SLC38A11: variants seen among roughly 807,000 people sequenced by gnomAD.
The protein encoded by SLC38A11 is putative sodium-coupled neutral amino acid transporter 11.
In SLC38A11, 51 loss-of-function variants were observed where a neutral mutation model predicts 49.4. The ratio of observed to expected loss-of-function variants is 1.03; its 90% CI spans 0.83 to 1.30. The LOEUF is 1.30. Ranked by LOEUF, SLC38A11 falls within the 50% of genes most tolerant of loss-of-function variation. The pLI is 0.00. For synonymous variants in SLC38A11, 203 were observed against 192.9 expected, an observed-to-expected ratio of 1.05 and a Z score of -0.43; for missense variants, 574 against 556.2, an observed-to-expected ratio of 1.03 and a Z score of -0.32.
chr2:164,945,341 T>C (rs1688031980), intron 4 of SLC38A11, among the ~76,000 whole-genome samples: 1 of 151,960 alleles, frequency 6.6e-6, no homozygotes, highest in African/African-American at 2.4e-5. Context: ...ATTCAATTTT[T>C]TACCAAGTAC....
At chr2:164,920,220 G>A (rs1437423926) in intron 7 of SLC38A11, among the ~76,000 whole-genome samples, 1 of 149,674 alleles carries the variant, frequency 6.7e-6, no homozygotes, top group Non-Finnish European at 1.5e-5. Context: ...GTTGCAGTGA[G>A]CAGAGATTGT....
At chr2:164,926,594 CA>C (rs1686603990) in intron 7 of SLC38A11, among the ~76,000 whole-genome samples, 1 of 151,788 alleles carries the variant, frequency 6.6e-6, no homozygotes, top group South Asian at 2.1e-4. Flanking sequence ...TTCACAATAG[CA>C]AAGACTTGGA....
At chr2:164,930,273 C>A (rs920244617) in intron 7 of SLC38A11, among the ~76,000 whole-genome samples, 1 of 151,910 alleles carries the variant, frequency 6.6e-6, no homozygotes, top group African/African-American at 2.4e-5. Flanking sequence ...GCCTACCAAC[C>A]AAAATAAGCC....
At chr2:164,910,254 AC>A (rs930628949) in intron 10 of SLC38A11, among the ~76,000 whole-genome samples, 5 of 152,228 alleles carry the variant, frequency 3.3e-5, no homozygotes, top group Non-Finnish European at 5.9e-5. Context: ...AGTTTCAAGT[AC>A]TAAACACAGA....
chr2:164,934,501 G>A (rs1003145178), intron 7 of SLC38A11, among the ~76,000 whole-genome samples: 26 of 152,128 alleles, frequency 1.7e-4, no homozygotes, highest in African/African-American at 5.5e-4. Flanking sequence ...TACAGGTGGG[G>A]CTCTGGCATC....
chr2:164,949,499 C>A (rs1056767018), intron 3 of SLC38A11, among the ~76,000 whole-genome samples: 4 of 152,214 alleles, frequency 2.6e-5, no homozygotes, highest in African/African-American at 4.8e-5. Context: ...CTCAAGTGAT[C>A]CACGTGCCTC....
At chr2:164,908,371 T>A (rs1685163526) in intron 11 of SLC38A11, among the ~76,000 whole-genome samples, 1 of 152,078 alleles carries the variant, frequency 6.6e-6, no homozygotes, top group South Asian at 2.1e-4. Context: ...GTGGGATGTA[T>A]ATCCCTGGCC....
intron 9 of SLC38A11, among the ~76,000 whole-genome samples, chr2:164,913,471 A>G (rs1475341116): frequency 2.0e-5 from 3 of 152,048 alleles, no homozygotes; most frequent in African/African-American, 7.2e-5. Flanking sequence ...CACAAATTAG[A>G]CTAGATTTAC....
At chr2:164,924,998 A>G (rs11674520) in intron 7 of SLC38A11, among the ~76,000 whole-genome samples, 95,519 of 152,068 alleles carry the variant, frequency 0.63, 30,262 homozygotes, top group East Asian at 0.7. Flanking sequence ...TGCCCGCCTC[A>G]GCCTCCCAAA....
chr2:164,895,492 A>G lies in SLC38A11; in HGVS notation c.*2945T>C, dbSNP rs191655221. Among the ~76,000 whole-genome samples, 1 of 152,310 alleles carries G rather than the reference A, an allele frequency of 6.6e-6. No homozygotes were observed. The highest frequency in any genetic ancestry group is 2.4e-5 in the African/African-American group (1 of 41,578). ...TTTCCTAAGCAAGGCTATAGCAGATAAACCAGGAGGAGACCTGTTCTCTTC... is the reference window on the plus strand; with the variant it reads ...TTTCCTAAGCAAGGCTATAGCAGATGAACCAGGAGGAGACCTGTTCTCTTC... On this transcript the variant is annotated 3_prime_UTR_variant, in exon 12 of 12. Coordinates refer to ENST00000685975, the MANE Select transcript of SLC38A11 (RefSeq NM_001351537.2).
chr2:164,917,700 A>T (rs1383900008), intron 7 of SLC38A11, among the ~76,000 whole-genome samples: 1 of 152,156 alleles, frequency 6.6e-6, no homozygotes, highest in Non-Finnish European at 1.5e-5. Flanking sequence ...TGGTTTTTGC[A>T]CTTGGAAAAT....
At chr2:164,952,623 G>T in intron 3 of SLC38A11, 84 bp downstream of exon 3, 1 of 875,154 alleles carries the variant, frequency 1.1e-6, no homozygotes, top group Non-Finnish European at 1.9e-6. Context: ...AAATTCAGTT[G>T]CAGCATGTGT....
At position 164,915,816 on chromosome 2, in the gene SLC38A11, T is replaced by C. The variant is rs185378137; in HGVS notation, c.688+87A>G. ...GAAGTCTAAAACTTAGGACATCTGCTATCCAGACATAAATATGAAACACAG... is the reference window on the plus strand; with the variant it reads ...GAAGTCTAAAACTTAGGACATCTGCCATCCAGACATAAATATGAAACACAG... On this transcript the variant is annotated intron_variant, in intron 8 of 11. Transcript: ENST00000685975. The C allele has an allele frequency of 2.7e-5, 26 of 953,896 alleles. No individual in the cohort carries two copies. The African/African-American group carries it at 4.2e-4, about 15-fold the overall frequency. The allele number at this position is 953,896 out of a possible 1,614,324, so 59.1% of individuals were successfully genotyped here.
At chr2:164,939,411 A>G (rs1687591677) in intron 6 of SLC38A11, 39 bp downstream of exon 6, 1 of 1,364,580 alleles carries the variant, frequency 7.3e-7, no homozygotes, top group East Asian at 2.3e-5. Context: ...TGCAGGCAAC[A>G]AGGTACATTT....
chr2:164,940,764 G>A (rs1021904313), intron 5 of SLC38A11, among the ~76,000 whole-genome samples: 5 of 150,214 alleles, frequency 3.3e-5, no homozygotes, highest in African/African-American at 1.2e-4. Context: ...ATATATATGT[G>A]TATGTGTGTG....
intron 11 of SLC38A11, among the ~76,000 whole-genome samples, chr2:164,902,440 A>G (rs1481709659): frequency 6.6e-6 from 1 of 152,198 alleles, no homozygotes; most frequent in African/African-American, 2.4e-5. Context: ...ATTACTTTAC[A>G]ACTAAATGCA....
intron 7 of SLC38A11, among the ~76,000 whole-genome samples, chr2:164,920,750 C>G (rs998524457): frequency 6.6e-6 from 1 of 151,808 alleles, no homozygotes; most frequent in Non-Finnish European, 1.5e-5. Flanking sequence ...AACGGAAGAT[C>G]TGGGATCATG....
In SLC38A11 at chr2:164,897,065, A is replaced by G. The variant is rs1360890416; in HGVS notation, c.*1372T>C. On this transcript the variant is annotated 3_prime_UTR_variant, in exon 12 of 12. Transcript: ENST00000685975. ...AGGTGATACTTGATATAAGGAAGCCATCCAGATGGCCCCAGATTTTCATGT... is the reference window on the plus strand; with the variant it reads ...AGGTGATACTTGATATAAGGAAGCCGTCCAGATGGCCCCAGATTTTCATGT... 1 of 152,182 alleles carries G rather than the reference A, an allele frequency of 6.6e-6. No homozygotes were observed. Among genetic ancestry groups the G allele is most frequent in the Non-Finnish European group, 1.5e-5 (1 of 68,032 alleles). The allele number at this position is 152,182 out of a possible 1,614,324, so 9.4% of individuals were successfully genotyped here. A position where few individuals can be genotyped will look rare whatever the true frequency, so the allele number is the denominator to read the frequency against.
intron 7 of SLC38A11, among the ~76,000 whole-genome samples, chr2:164,925,028 C>G (rs960727322): frequency 6.6e-6 from 1 of 152,156 alleles, no homozygotes; most frequent in Non-Finnish European, 1.5e-5. Context: ...TTACAGGCGT[C>G]AGCCACTGTG....
Sources: allele counts gnomAD v4.1 joint callset (sites outside exome capture counted in the v4.1 genomes callset), GRCh38; gene constraint gnomAD v4.1.1; transcripts MANE v1.5; gene names NCBI Gene and HGNC (gene_info 2026-07-23, HGNC 2026-07-21).